The following SORCS1 variants were observed in gnomAD, a reference collection of about 807,000 sequenced individuals.
The protein encoded by SORCS1 is sortilin related VPS10 domain containing receptor 1.
Under a neutral mutation model 146.1 loss-of-function variants are expected in SORCS1, and 60 were observed. The ratio of observed to expected loss-of-function variants is 0.41; its 90% CI spans 0.33 to 0.51. SORCS1 has a LOEUF of 0.51. Among genes scored for constraint, SORCS1 ranks in the 20% least tolerant of loss-of-function variants. The pLI is 0.21. For missense variants in SORCS1, 1,352 were observed against 1,487.6 expected, an observed-to-expected ratio of 0.91 and a Z score of 1.50; for synonymous variants, 637 against 584.0, an observed-to-expected ratio of 1.09 and a Z score of -1.31.
At chr10:106,808,794 A>G (rs1280059095) in intron 3 of SORCS1, among the ~76,000 whole-genome samples, 2 of 152,092 alleles carry the variant, frequency 1.3e-5, no homozygotes, top group South Asian at 2.1e-4. Context: ...GAGTCACCGG[A>G]AAAGAGTATA....
At chr10:106,620,191 G>C (rs1847644184) in intron 20 of SORCS1, 3 of 420,552 alleles carry the variant, frequency 7.1e-6, no homozygotes, top group Non-Finnish European at 1.2e-5. Flanking sequence ...AGTACAGCTG[G>C]AGAAAAACGT....
intron 17 of SORCS1, among the ~76,000 whole-genome samples, chr10:106,665,003 A>G (rs11193007): frequency 0.11 from 17,024 of 151,946 alleles, 1,188 homozygotes; most frequent in East Asian, 0.31. Flanking sequence ...GACCTCACTG[A>G]CCCATTGCTA....
At chr10:106,915,257 T>A (rs1952359309) in intron 2 of SORCS1, among the ~76,000 whole-genome samples, 1 of 152,188 alleles carries the variant, frequency 6.6e-6, no homozygotes, top group African/African-American at 2.4e-5. Flanking sequence ...CTAGCCCTCA[T>A]CTTTGACACC....
At chr10:106,622,287 T>A in intron 19 of SORCS1, among the ~76,000 whole-genome samples, 2 of 73,018 alleles carry the variant, frequency 2.7e-5, no homozygotes, top group Middle Eastern at 0.013. Flanking sequence ...AGATTCCATC[T>A]CGAAAAAAAA....
intron 10 of SORCS1, among the ~76,000 whole-genome samples, chr10:106,681,988 C>T (rs1045526992): frequency 6.6e-6 from 1 of 151,990 alleles, no homozygotes; most frequent in African/African-American, 2.4e-5. Context: ...ATTAGCCAGG[C>T]ATGGTGGTGG....
At chr10:107,127,073 T>C (rs547109578) in intron 1 of SORCS1, among the ~76,000 whole-genome samples, 15 of 152,078 alleles carry the variant, frequency 9.9e-5, no homozygotes, top group Non-Finnish European at 1.8e-4. Context: ...CCAACCCCAA[T>C]CTTGTTTGTG....
At chr10:106,896,817 G>A (rs898113469) in intron 2 of SORCS1, among the ~76,000 whole-genome samples, 1 of 151,286 alleles carries the variant, frequency 6.6e-6, no homozygotes, top group Admixed American at 6.6e-5. Context: ...GAGATGAAAT[G>A]ACTCAAGGTC....
At chr10:107,097,225 T>C (rs758134629) in intron 1 of SORCS1, among the ~76,000 whole-genome samples, 1 of 152,248 alleles carries the variant, frequency 6.6e-6, no homozygotes, top group Non-Finnish European at 1.5e-5. Flanking sequence ...TTGTGATTTA[T>C]TTTTAACAAG....
chr10:106,711,054 C>A (rs60066383), intron 6 of SORCS1, among the ~76,000 whole-genome samples: 3 of 152,106 alleles, frequency 2.0e-5, no homozygotes, highest in Non-Finnish European at 4.4e-5. Flanking sequence ...CTTACTGAGC[C>A]GTGCTCCCAT....
intron 13 of SORCS1, among the ~76,000 whole-genome samples, chr10:106,675,861 T>C (rs1398415754): frequency 2.6e-5 from 4 of 152,182 alleles, no homozygotes; most frequent in African/African-American, 9.6e-5. Context: ...GAGAAGTGCC[T>C]TGCCCTTCCA....
chr10:106,912,840 G>A (rs1161157065), intron 2 of SORCS1, among the ~76,000 whole-genome samples: 2 of 151,900 alleles, frequency 1.3e-5, no homozygotes, highest in East Asian at 1.9e-4. Context: ...CACCATGCCC[G>A]GCTAATTTTT....
chr10:107,110,005 A>C (rs2134447189), intron 1 of SORCS1, among the ~76,000 whole-genome samples: 1 of 152,352 alleles, frequency 6.6e-6, no homozygotes, highest in South Asian at 2.1e-4. Flanking sequence ...TCAGCAAGGT[A>C]TAACAAGGGT....
chr10:106,687,845 C>T (rs886732559), intron 10 of SORCS1, among the ~76,000 whole-genome samples: 6 of 152,162 alleles, frequency 3.9e-5, no homozygotes, highest in African/African-American at 1.4e-4. Context: ...ATCATTAGTT[C>T]TGCAACAGGT....
intron 1 of SORCS1, among the ~76,000 whole-genome samples, chr10:106,993,576 GATAGTATTTTA>G (rs1956862763): frequency 6.6e-6 from 1 of 152,108 alleles, no homozygotes; most frequent in South Asian, 2.1e-4. Context: ...CTAAAAACTA[GATAGTATTTTA>G]TTCATTCTGT....
intron 1 of SORCS1, among the ~76,000 whole-genome samples, chr10:107,016,796 C>T (rs1037509141): frequency 2.0e-5 from 3 of 151,960 alleles, no homozygotes; most frequent in Non-Finnish European, 4.4e-5. Context: ...ATGACTCATA[C>T]CATAAATATA....
At chr10:106,709,636 G>A (rs980068002) in intron 6 of SORCS1, among the ~76,000 whole-genome samples, 1 of 151,888 alleles carries the variant, frequency 6.6e-6, no homozygotes, top group East Asian at 1.9e-4. Context: ...TTTTAGTAGA[G>A]ACGGGGTTTC....
At chr10:107,077,641 GT>G (rs1963000075) in intron 1 of SORCS1, among the ~76,000 whole-genome samples, 1 of 150,478 alleles carries the variant, frequency 6.6e-6, no homozygotes, top group Non-Finnish European at 1.5e-5. Context: ...TCTTACATCC[GT>G]TTCACAGTTA....
At chr10:106,926,826 TATACACACACACACACACACAC>T (rs1170058305) in intron 2 of SORCS1, among the ~76,000 whole-genome samples, 7 of 140,124 alleles carry the variant, frequency 5.0e-5, no homozygotes, top group African/African-American at 1.7e-4. Context: ...AAGGAATATA[TATACACACACACACACACACAC>T]ACACACACAC....
intron 1 of SORCS1, among the ~76,000 whole-genome samples, chr10:106,980,171 A>T (rs932110332): frequency 6.6e-6 from 1 of 152,236 alleles, no homozygotes; most frequent in African/African-American, 2.4e-5. Flanking sequence ...AGGAAAACAA[A>T]CAAAAAAAGC....
Sources: allele counts gnomAD v4.1 joint callset (sites outside exome capture counted in the v4.1 genomes callset), GRCh38; gene constraint gnomAD v4.1.1; transcripts MANE v1.5; gene names NCBI Gene and HGNC (gene_info 2026-07-23, HGNC 2026-07-21).